The following ADAM9 variants were observed in gnomAD, a reference collection of about 807,000 sequenced individuals.
The protein encoded by ADAM9 is disintegrin and metalloproteinase domain-containing protein 9.
A neutral mutation model predicts 108.1 loss-of-function variants in ADAM9; 54 were observed. The ratio of observed to expected loss-of-function variants is 0.50; its 90% CI spans 0.40 to 0.63. ADAM9 has a LOEUF of 0.63. Among genes scored for constraint, ADAM9 ranks in the 20% least tolerant of loss-of-function variants. The pLI, the probability that ADAM9 is intolerant of heterozygous loss-of-function variation, is 0.00. For synonymous variants in ADAM9, 316 were observed against 336.0 expected, an observed-to-expected ratio of 0.94 and a Z score of 0.65; for missense variants, 830 against 997.7, an observed-to-expected ratio of 0.83 and a Z score of 2.26.
intron 17 of ADAM9, 95 bp from the exon 18 acceptor site, chr8:39,082,873 A>T: frequency 7.5e-7 from 1 of 1,337,358 alleles, no homozygotes; most frequent in Non-Finnish European, 1.1e-6. Context: ...GTAAGCTTGT[A>T]TGAATTTAGT....
chr8:39,066,204 A>G (rs538298644), intron 14 of ADAM9, among the ~76,000 whole-genome samples: 14 of 152,364 alleles, frequency 9.2e-5, no homozygotes, highest in African/African-American at 2.2e-4. Context: ...TAGTGCTGCA[A>G]TAAACATACG....
chr8:39,098,092 G>A (rs142925768), intron 20 of ADAM9, among the ~76,000 whole-genome samples: 4 of 151,874 alleles, frequency 2.6e-5, no homozygotes, highest in Admixed American at 6.5e-5. Context: ...TGTCTTTTCC[G>A]GATGTTTTTG....
chr8:39,059,120 A>G (rs1338228836), intron 14 of ADAM9, among the ~76,000 whole-genome samples: 5 of 152,200 alleles, frequency 3.3e-5, no homozygotes, highest in African/African-American at 4.8e-5. Flanking sequence ...TTTGCTATCA[A>G]GTGAATTCTT....
intron 1 of ADAM9, 67 bp from the exon 2 acceptor site, chr8:39,007,817 TTC>T (rs1836211740): frequency 9.4e-7 from 1 of 1,067,480 alleles, no homozygotes; most frequent in Non-Finnish European, 1.4e-6. Context: ...ATTTTGATTT[TTC>T]ATTATATTGT....
At chr8:39,036,414 A>G in intron 11 of ADAM9, among the ~76,000 whole-genome samples, 1 of 152,174 alleles carries the variant, frequency 6.6e-6, no homozygotes, top group East Asian at 1.9e-4. Context: ...TAATGGTGAA[A>G]ATTGTGTTCT....
chr8:39,052,342 A>G (rs4633028), intron 12 of ADAM9, among the ~76,000 whole-genome samples: 120,844 of 151,908 alleles, frequency 0.8, 48,267 homozygotes, highest in East Asian at 0.95. Context: ...TGATTTTTAG[A>G]CCTCTTTCTA....
chr8:39,045,163 CATATATGTGT>C (rs1837638821), intron 12 of ADAM9, among the ~76,000 whole-genome samples: 2 of 89,824 alleles, frequency 2.2e-5, no homozygotes, highest in African/African-American at 4.3e-5. Flanking sequence ...TGTATACATA[CATATATGTGT>C]ATATATGTGT....
At chr8:39,065,711 G>A (rs764157462) in intron 14 of ADAM9, among the ~76,000 whole-genome samples, 5 of 146,222 alleles carry the variant, frequency 3.4e-5, no homozygotes, top group Non-Finnish European at 7.5e-5. Context: ...TTTCATGCAC[G>A]AAACATCTCT....
chr8:39,016,257 T>G, intron 5 of ADAM9, 63 bp downstream of exon 5: 11 of 1,419,728 alleles, frequency 7.7e-6, no homozygotes, highest in Non-Finnish European at 1.1e-5. Context: ...CTTTCCTGTT[T>G]CTGTCTCCAA....
At chr8:39,067,959 T>A (rs1838541362) in intron 14 of ADAM9, among the ~76,000 whole-genome samples, 1 of 152,228 alleles carries the variant, frequency 6.6e-6, no homozygotes, top group African/African-American at 2.4e-5. Context: ...CATGAAGGGC[T>A]GTTGAATTTT....
intron 12 of ADAM9, among the ~76,000 whole-genome samples, chr8:39,050,367 C>T (rs1837917207): frequency 6.6e-6 from 1 of 151,968 alleles, no homozygotes; most frequent in Admixed American, 6.6e-5. Flanking sequence ...TTTTCTTAGT[C>T]TGCTCCTTGT....
At chr8:39,067,542 G>T (rs1838524574) in intron 14 of ADAM9, among the ~76,000 whole-genome samples, 1 of 152,060 alleles carries the variant, frequency 6.6e-6, no homozygotes. Context: ...CTTATGATTT[G>T]GCTCTCTGTT....
chr8:39,037,136 A>G, intron 11 of ADAM9, among the ~76,000 whole-genome samples: 1 of 136,698 alleles, frequency 7.3e-6, no homozygotes, highest in Non-Finnish European at 1.5e-5. Context: ...GGCTCACTGC[A>G]AGCTCTGCCT....
Position 39,104,274 on chromosome 8 carries a change from G to C in ADAM9, c.*574G>C, listed in dbSNP as rs1839793839. On this transcript the variant is annotated 3_prime_UTR_variant, in exon 22 of 22. Coordinates refer to ENST00000487273, the MANE Select transcript of ADAM9 (RefSeq NM_003816.3). ...AAGAATGCACAAGAACCACAATTAA[G>C]ATGTCATATTATTTTGAAAGTACAA... The C allele has an allele frequency of 2.2e-6, 1 of 452,776 alleles. No individual in the cohort carries two copies. The highest frequency in any genetic ancestry group is 4.4e-6 in the Non-Finnish European group (1 of 225,888). The allele number at this position is 452,776 out of a possible 1,614,324, so 28.0% of individuals were successfully genotyped here. A position where few individuals can be genotyped will look rare whatever the true frequency, so the allele number is the denominator to read the frequency against.
At chr8:39,051,611 T>C (rs1315867644) in intron 12 of ADAM9, among the ~76,000 whole-genome samples, 1 of 152,180 alleles carries the variant, frequency 6.6e-6, no homozygotes, top group Non-Finnish European at 1.5e-5. Context: ...GGAAGGAGAA[T>C]CCAGAGCTTT....
chr8:39,088,991 T>G (rs1588428389), intron 18 of ADAM9, among the ~76,000 whole-genome samples: 1 of 152,202 alleles, frequency 6.6e-6, no homozygotes, highest in Non-Finnish European at 1.5e-5. Context: ...GGCTCACGCC[T>G]GTAATCCCAG....
At chr8:39,055,302 A>G (rs1838084523) in intron 13 of ADAM9, among the ~76,000 whole-genome samples, 4 of 152,172 alleles carry the variant, frequency 2.6e-5, no homozygotes, top group African/African-American at 7.2e-5. Context: ...AGCAGGCACT[A>G]TACTCCTAGT....
intron 20 of ADAM9, among the ~76,000 whole-genome samples, chr8:39,093,105 A>G (rs1839402415): frequency 6.6e-6 from 1 of 152,166 alleles, no homozygotes; most frequent in Non-Finnish European, 1.5e-5. Context: ...GTGGTTCCAT[A>G]TGAATTTTAG....
rs1345649452 is a variant in ADAM9, at chr8:38,997,028, A to T, written c.-36A>T. The T allele has an allele frequency of 1.2e-6, 2 of 1,600,190 alleles. No homozygotes were observed. Among genetic ancestry groups the T allele is most frequent in the Non-Finnish European group, 1.7e-6 (2 of 1,177,962 alleles). On this transcript the variant is annotated 5_prime_UTR_variant, in exon 1 of 22. Transcript: ENST00000487273. ...GATGGAAGAGGCGGAGGTGGAGGCG[A>T]CCGAGTGCTGAGAGGAACCTGCGGA...
Sources: allele counts gnomAD v4.1 joint callset (sites outside exome capture counted in the v4.1 genomes callset), GRCh38; gene constraint gnomAD v4.1.1; transcripts MANE v1.5; gene names NCBI Gene and HGNC (gene_info 2026-07-23, HGNC 2026-07-21).